GON4L: variants seen among roughly 807,000 people sequenced by gnomAD.
GON4L encodes gon-4 like, also known as GON-4-like protein.
In GON4L, 87 loss-of-function variants were observed where a neutral mutation model predicts 211.8. The observed-to-expected ratio is 0.41, with a 90% confidence interval of 0.35 to 0.49. GON4L has a LOEUF of 0.49. Ranked by LOEUF, GON4L falls within the 20% of genes least tolerant of loss-of-function variation. The pLI, the probability that GON4L is intolerant of heterozygous loss-of-function variation, is 0.15. For missense variants in GON4L, 2,155 were observed against 2,659.5 expected, an observed-to-expected ratio of 0.81 and a Z score of 4.17; for synonymous variants, 875 against 962.6, an observed-to-expected ratio of 0.91 and a Z score of 1.68.
intron 14 of GON4L, among the ~76,000 whole-genome samples, chr1:155,783,726 AC>A (rs1384929149): frequency 1.3e-5 from 2 of 152,198 alleles, no homozygotes; most frequent in Non-Finnish European, 2.9e-5. Flanking sequence ...CCTCTCCAGC[AC>A]CACTCACCCG....
At chr1:155,792,682 T>A (rs1472065373) in intron 12 of GON4L, among the ~76,000 whole-genome samples, 1 of 152,242 alleles carries the variant, frequency 6.6e-6, no homozygotes, top group African/African-American at 2.4e-5. Context: ...GGATGATAGC[T>A]GAACTTAAGA....
intron 10 of GON4L, among the ~76,000 whole-genome samples, chr1:155,813,056 T>C (rs1461277205): frequency 6.6e-6 from 1 of 152,002 alleles, no homozygotes; most frequent in African/African-American, 2.4e-5. Flanking sequence ...AAAGGTTAAT[T>C]TGGGGGAATT....
At position 155,752,161 on chromosome 1, in the gene GON4L, G is replaced by A. The variant is rs766751715; in HGVS notation, c.6272C>T (p.Thr2091Met). 34 of 1,613,484 alleles carry A rather than the reference G, an allele frequency of 2.1e-5. No homozygotes were observed. In the Admixed American group the frequency reaches 2.5e-4, roughly 12 times the overall value. The change falls in exon 30 of 32, where the codon ACG becomes ATG. Residue 2091 changes from threonine to methionine, a missense_variant. Thr to Met is a moderately conservative substitution (Grantham distance 81). Transcript: ENST00000368331. ...TGATGGAGATTCATGGACAGGGCAC[G>A]TCCTGTCTCTTGTCTTCACCCGAGC... ...SRARVKTRDR[T>M]CPVHESPSGI...
At chr1:155,745,300 G>T (rs1273225498), downstream of GON4L, among the ~76,000 whole-genome samples, 2 of 152,210 alleles carry the variant, frequency 1.3e-5, no homozygotes, top group African/African-American at 4.8e-5. Context: ...ATTAATACAT[G>T]TAAATGATAC....
downstream of GON4L, chr1:155,749,280 A>G (rs1400263498): frequency 1.9e-6 from 3 of 1,606,652 alleles, no homozygotes; most frequent in African/African-American, 2.7e-5. Context: ...TTAGTTTGTT[A>G]TTCATGCTGC....
chr1:155,762,288 T>C lies in GON4L; in HGVS notation c.4813A>G (p.Thr1605Ala). The C allele has an allele frequency of 6.2e-7, 1 of 1,613,360 alleles. No homozygotes were observed. ...RGSRARASKD[T>A]SKLLLLYDED... ...TCATACAGCAACAGCAGCTTGGAGG[T>C]GTCCTTGCTGGCCCGAGCCCGACTT... The change falls in exon 23 of 32, where the codon ACC (threonine) becomes GCC (alanine). Residue 1605 changes from threonine to alanine, a missense_variant. By Grantham distance (58) the Thr-to-Ala change is moderately conservative. Transcript: ENST00000368331.
intron 11 of GON4L, among the ~76,000 whole-genome samples, chr1:155,798,256 T>C (rs1467798879): frequency 1.9e-5 from 1 of 53,486 alleles, no homozygotes; most frequent in Non-Finnish European, 4.5e-5. Context: ...TTAATTTGCA[T>C]TCTTTACACA....
intron 2 of GON4L, among the ~76,000 whole-genome samples, chr1:155,831,899 T>G (rs562046010): frequency 2.4e-4 from 36 of 151,634 alleles, no homozygotes; most frequent in South Asian, 8.4e-4. Context: ...AAAAAATAAA[T>G]AAAGAAAAGG....
At chr1:155,801,884 GA>G (rs914628092) in intron 11 of GON4L, among the ~76,000 whole-genome samples, 16 of 147,964 alleles carry the variant, frequency 1.1e-4, no homozygotes, top group African/African-American at 2.2e-4. Context: ...CTCTGTCGAA[GA>G]AAAAAAAAAT....
intron 10 of GON4L, among the ~76,000 whole-genome samples, chr1:155,810,396 A>C (rs1667642038): frequency 6.6e-6 from 1 of 152,018 alleles, no homozygotes; most frequent in African/African-American, 2.4e-5. Flanking sequence ...ATGATAGGGG[A>C]AACTTGGAAC....
At chr1:155,761,647 C>G (rs1369031024) in intron 23 of GON4L, among the ~76,000 whole-genome samples, 1 of 151,908 alleles carries the variant, frequency 6.6e-6, no homozygotes, top group Non-Finnish European at 1.5e-5. Flanking sequence ...AGGCGCCCAC[C>G]ACCACACCCG....
chr1:155,795,670 C>T (rs927815564), intron 11 of GON4L, among the ~76,000 whole-genome samples: 5 of 152,066 alleles, frequency 3.3e-5, no homozygotes, highest in African/African-American at 1.2e-4. Flanking sequence ...GACAGGGTCT[C>T]ACTCTGTCAC....
At chr1:155,774,463 C>G (rs372109900) in intron 17 of GON4L, among the ~76,000 whole-genome samples, 4 of 152,102 alleles carry the variant, frequency 2.6e-5, no homozygotes, top group Admixed American at 2.0e-4. Flanking sequence ...CGCGTGCCCC[C>G]ATGCCTGGCT....
intron 2 of GON4L, among the ~76,000 whole-genome samples, chr1:155,847,153 A>T (rs1671325490): frequency 6.6e-6 from 1 of 152,166 alleles, no homozygotes; most frequent in African/African-American, 2.4e-5. Context: ...GTGAGTTCGA[A>T]CCCTTCTGAA....
At chr1:155,771,332 C>T in intron 18 of GON4L, 115 bp from the exon 19 acceptor site, 2 of 1,406,912 alleles carry the variant, frequency 1.4e-6, no homozygotes, top group Non-Finnish European at 2.0e-6. Flanking sequence ...GACAAGGTCT[C>T]ACGCTGTCAC....
At chr1:155,805,399 A>G (rs1667038187) in intron 10 of GON4L, among the ~76,000 whole-genome samples, 1 of 152,128 alleles carries the variant, frequency 6.6e-6, no homozygotes, top group African/African-American at 2.4e-5. Context: ...TTACCCTTTT[A>G]AAGTGTATAA....
intron 27 of GON4L, among the ~76,000 whole-genome samples, chr1:155,756,064 C>T (rs1445510580): frequency 6.6e-6 from 1 of 151,978 alleles, no homozygotes; most frequent in Non-Finnish European, 1.5e-5. Context: ...CATATCCTAG[C>T]ACCACCACTT....
intron 4 of GON4L, among the ~76,000 whole-genome samples, chr1:155,821,837 T>A (rs763418656): frequency 2.0e-5 from 3 of 152,210 alleles, no homozygotes; most frequent in Non-Finnish European, 4.4e-5. Flanking sequence ...AGTAACTATA[T>A]GCTTAAGAGA....
At chr1:155,747,981 C>A (rs1284925035), downstream of GON4L, 2 of 1,586,098 alleles carry the variant, frequency 1.3e-6, no homozygotes, top group Admixed American at 1.8e-5. Context: ...TACGAGGAGG[C>A]CCAGAGAAAC....
Sources: gnomAD v4.1 joint callset for allele counts (sites outside exome capture counted in the v4.1 genomes callset) on GRCh38, gnomAD v4.1.1 for gene constraint, MANE v1.5 for transcripts, NCBI Gene and HGNC (gene_info 2026-07-23, HGNC 2026-07-21) for gene names.